FMN2: variants seen among roughly 807,000 people sequenced by gnomAD.
The protein encoded by FMN2 is formin 2.
FMN2 carries 51 observed loss-of-function variants against 142.3 expected under a neutral mutation model. The observed-to-expected ratio is 0.36, with a 90% CI of 0.29 to 0.45. The LOEUF (loss-of-function observed/expected upper bound fraction) is 0.45. Among genes scored for constraint, FMN2 ranks in the 20% least tolerant of loss-of-function variants. The pLI is 1.00. For missense variants in FMN2, 1,936 were observed against 2,122.8 expected (o/e 0.91, Z 1.73); for synonymous variants, 882 against 869.8 (o/e 1.01, Z -0.25).
At chr1:240,404,649 C>A (rs940200613) in intron 15 of FMN2, among the ~76,000 whole-genome samples, 1 of 152,112 alleles carries the variant, frequency 6.6e-6, no homozygotes, top group Non-Finnish European at 1.5e-5. Flanking sequence ...CTTTTATTTT[C>A]GGGCCGTGTG....
intron 6 of FMN2, among the ~76,000 whole-genome samples, chr1:240,222,486 C>G (rs1366277776): frequency 6.7e-6 from 1 of 148,950 alleles, no homozygotes; most frequent in Non-Finnish European, 1.5e-5. Flanking sequence ...TTTTATGGTT[C>G]TATATGAAAT....
intron 3 of FMN2, among the ~76,000 whole-genome samples, chr1:240,182,976 G>T (rs1305740486): frequency 6.6e-6 from 1 of 151,422 alleles, no homozygotes; most frequent in Admixed American, 6.6e-5. Flanking sequence ...GTGTATGGTG[G>T]CATGATCCCG....
At chr1:240,170,508 T>C in intron 2 of FMN2, 1 of 1,511,252 alleles carries the variant, frequency 6.6e-7, no homozygotes, top group South Asian at 1.1e-5. Flanking sequence ...CTTGCCAGAA[T>C]ATAAGAGTCA....
chr1:240,144,300 C>T (rs748947527), intron 2 of FMN2: 1 of 1,607,036 alleles, frequency 6.2e-7, no homozygotes, highest in Non-Finnish European at 8.5e-7. Context: ...GAGCCACTGC[C>T]CCCAAACCTG....
intron 6 of FMN2, among the ~76,000 whole-genome samples, chr1:240,224,832 G>C (rs1667243032): frequency 6.6e-6 from 1 of 152,140 alleles, no homozygotes; most frequent in Admixed American, 6.6e-5. Context: ...TCTATATAGT[G>C]GGGGAGAAAT....
chr1:240,433,914 G>T (rs9287237), intron 15 of FMN2, among the ~76,000 whole-genome samples: 27,885 of 152,098 alleles, frequency 0.18, 2,759 homozygotes, highest in East Asian at 0.39. Flanking sequence ...AATATTAGTT[G>T]CTCTTTCCAT....
chr1:240,339,713 G>C (rs979309881), intron 13 of FMN2, among the ~76,000 whole-genome samples: 4 of 151,690 alleles, frequency 2.6e-5, no homozygotes, highest in Admixed American at 6.6e-5. Flanking sequence ...GTTCTATCTG[G>C]TAGGTAGGTG....
chr1:240,301,831 A>G (rs1434997840), intron 8 of FMN2, among the ~76,000 whole-genome samples: 2 of 151,856 alleles, frequency 1.3e-5, no homozygotes, highest in Non-Finnish European at 2.9e-5. Flanking sequence ...TTATTGTAAT[A>G]TAAGTAGGCA....
rs751958697 is a variant in FMN2, at chr1:240,123,255, G to A, written c.1692G>A (p.Arg564=). 4 of 1,614,014 alleles carry A rather than the reference G, an allele frequency of 2.5e-6. No individual in the cohort carries two copies. In the African/African-American group the frequency reaches 5.3e-5, roughly 22 times the overall value. Residue 564 remains arginine, a synonymous_variant, in exon 2 of 18, where the codon CGG becomes CGA. Coordinates refer to ENST00000319653, the MANE Select transcript of FMN2 (RefSeq NM_020066.5). ...AAGAAGCAGAGAAGTTTTGCTCCCG[G>A]ATCATTGCCATGGGTCTTCTCCTTC... ...PPEEAEKFCS[R]IIAMGLLLPF... is the part of the protein sequence containing the mutation.
chr1:240,268,965 C>T (rs1668903185), intron 7 of FMN2, among the ~76,000 whole-genome samples: 1 of 151,956 alleles, frequency 6.6e-6, no homozygotes, highest in Non-Finnish European at 1.5e-5. Flanking sequence ...AGCCCCTATT[C>T]AGTGCATGAT....
Position 240,188,260 on chromosome 1 carries a change from A to C in FMN2, c.1984A>C (p.Lys662Gln), listed in dbSNP as rs1479971439. 6.2e-7 allele frequency: 1 copy of C among 1,613,368 alleles called. No homozygotes were observed. Among genetic ancestry groups the C allele is most frequent in the East Asian group, 2.2e-5 (1 of 44,862 alleles). The change falls in exon 4 of 18, where the codon AAG becomes CAG. Residue 662 changes from lysine to glutamine, a missense_variant and splice_region_variant. This residue lies in a region of FMN2 where 478 missense variants were observed against 462.8 expected (regional missense o/e 1.03). Coordinates refer to ENST00000319653, the MANE Select transcript of FMN2 (RefSeq NM_020066.5). ...CCAAAAACGCTCAGATGCTGTCCAG[A>C]AGGTAAGATGATCTTATTAGGATGT... is the stretch of plus-strand genomic sequence containing the variant. ...TPQKRSDAVQ[K>Q]EVVDMKSEGQ...
intron 6 of FMN2, among the ~76,000 whole-genome samples, chr1:240,257,423 T>C (rs550211209): frequency 6.6e-6 from 1 of 152,346 alleles, no homozygotes; most frequent in African/African-American, 2.4e-5. Flanking sequence ...GTGAGCTTTC[T>C]ATGTGACCCA....
chr1:240,208,588 T>C lies in FMN2; in HGVS notation c.3776T>C (p.Val1259Ala), dbSNP rs760870728. 1.2e-6 allele frequency: 2 copies of C among 1,613,432 alleles called. No individual in the cohort carries two copies. The highest frequency in any genetic ancestry group is 1.1e-5 in the South Asian group (1 of 91,048). The stretch of plus-strand genomic sequence containing the variant: ...AGTAGCACTTTACCAACCCCACAGG[T>C]GTGTGGATTTCTTCCTCCTCCATTG... ...VGSSTLPTPQ[V>A]CGFLPPPLPS... Residue 1259 changes from valine to alanine, a missense_variant, in exon 5 of 18, where the codon GTG (valine) becomes GCG (alanine). Around this residue, in one of 8 missense-constraint regions of FMN2, gnomAD observed 259 missense variants for 230.9 expected, o/e 1.12. Coordinates refer to ENST00000319653, the MANE Select transcript of FMN2 (RefSeq NM_020066.5).
intron 1 of FMN2, among the ~76,000 whole-genome samples, chr1:240,113,111 G>T (rs1011372705): frequency 6.6e-6 from 1 of 152,142 alleles, no homozygotes; most frequent in Non-Finnish European, 1.5e-5. Context: ...TGGTTGACAT[G>T]TCTGTCTAGG....
rs76359769 is a variant in FMN2, at chr1:240,298,117, A to G, written c.4215+3234A>G. Among the ~76,000 whole-genome samples the G allele has an allele frequency of 2.3e-3, 350 of 152,306 alleles. 3 individuals carry two copies. The highest frequency in any genetic ancestry group is 8.0e-3 in the African/African-American group (333 of 41,558). On this transcript the variant is annotated intron_variant, in intron 8 of 17. Transcript: ENST00000319653. The stretch of plus-strand genomic sequence containing the variant: ...TTCAGCGTATAGTATACTAGCTGGC[A>G]CTGGTTAAACTTAATTACAATTTTT...
At chr1:240,309,907 T>C (rs1670545029) in intron 8 of FMN2, among the ~76,000 whole-genome samples, 1 of 152,106 alleles carries the variant, frequency 6.6e-6, no homozygotes, top group Non-Finnish European at 1.5e-5. Flanking sequence ...TGACTTAATA[T>C]GGTAGGTGTC....
At chr1:240,442,745 C>G (rs113314267) in intron 16 of FMN2, among the ~76,000 whole-genome samples, 1 of 152,180 alleles carries the variant, frequency 6.6e-6, no homozygotes, top group Non-Finnish European at 1.5e-5. Context: ...CTTGCTTCAT[C>G]CTGATGACGC....
chr1:240,287,205 C>A (rs1669620989), intron 7 of FMN2, among the ~76,000 whole-genome samples: 1 of 152,170 alleles, frequency 6.6e-6, no homozygotes, highest in Non-Finnish European at 1.5e-5. Flanking sequence ...TCAGAGAGAT[C>A]TCTTACAAAA....
rs534135114 is a variant in FMN2 at position 240,460,514 on chromosome 1, C to A, written c.5061-11858C>A. Among the ~76,000 whole-genome samples the A allele has an allele frequency of 2.6e-5, 4 of 152,138 alleles. No individual in the cohort carries two copies. The East Asian group carries it at 5.8e-4, about 22-fold the overall frequency. ...GGCTAAGGTACAAGAATCGCTTAAA[C>A]CCCAGTGAGACAAGATCATGCCACT... On this transcript the variant is annotated intron_variant, in intron 16 of 17. Transcript: ENST00000319653.
Sources: gnomAD v4.1 joint callset for allele counts (sites outside exome capture counted in the v4.1 genomes callset) on GRCh38, gnomAD v4.1.1 for gene constraint, gnomAD v4.1.1 regional missense constraint, MANE v1.5 for transcripts, NCBI Gene and HGNC (gene_info 2026-07-23, HGNC 2026-07-21) for gene names.